Variants in ZMYND11 observed in about 807,000 individuals in gnomAD.
The protein encoded by ZMYND11 is zinc finger MYND domain-containing protein 11.
Under a neutral mutation model 84.9 loss-of-function variants are expected in ZMYND11, and 9 were observed. The observed-to-expected ratio is 0.11, with a 90% CI of 0.06 to 0.18. ZMYND11 has a LOEUF of 0.18. Ranked by LOEUF, ZMYND11 falls within the 10% of genes least tolerant of loss-of-function variation. The probability of loss-of-function intolerance (pLI) is 1.00; values close to 1 mark genes in which losing one functional copy is unlikely to be tolerated. For missense variants in ZMYND11, 409 were observed against 761.0 expected (o/e 0.54, Z 5.44); for synonymous variants, 250 against 244.1 (o/e 1.02, Z -0.23).
At chr10:241,514 T>C (rs951596620) in intron 9 of ZMYND11, among the ~76,000 whole-genome samples, 2 of 151,978 alleles carry the variant, frequency 1.3e-5, no homozygotes, top group Admixed American at 1.3e-4. Context: ...TTGTTTCTCC[T>C]TTCATCCTTT....
Position 248,474 on chromosome 10 carries a change from C to G in ZMYND11, c.1366C>G (p.Gln456Glu). The G allele has an allele frequency of 4.3e-6, 7 of 1,614,194 alleles. No individual in the cohort carries two copies. Among genetic ancestry groups the G allele is most frequent in the Non-Finnish European group, 5.9e-6 (7 of 1,180,046 alleles). Residue 456 changes from glutamine (Q) to glutamate (E), a missense_variant, in exon 13 of 15, where the codon CAG (glutamine) becomes GAG (glutamate). Gln to Glu is a conservative substitution (Grantham distance 29). Transcript: ENST00000381604. ...ACCAAGAATGCTGCATCGGAGCACC[C>G]AGACCACAAACGACGGCGTGTGTCA... Reference protein sequence around the residue: ...SSPRMLHRSTQTTNDGVCQSM... With the variant: ...SSPRMLHRSTETTNDGVCQSM...
chr10:192,722 C>T (rs1940773416), intron 2 of ZMYND11, among the ~76,000 whole-genome samples: 1 of 152,212 alleles, frequency 6.6e-6, no homozygotes, highest in African/African-American at 2.4e-5. Context: ...TCTGCATTTG[C>T]TTAGTGCTGT....
chr10:199,408 T>G (rs986350339), intron 2 of ZMYND11, among the ~76,000 whole-genome samples: 5 of 151,952 alleles, frequency 3.3e-5, no homozygotes, highest in Admixed American at 3.3e-4. Context: ...AATCTTATCC[T>G]TATTATATAC....
At position 252,510 on chromosome 10, in the gene ZMYND11, T is replaced by G. The variant is rs766486236; in HGVS notation, c.*40T>G. 1 of 1,568,580 alleles carries G rather than the reference T, an allele frequency of 6.4e-7. No individual in the cohort carries two copies. The highest frequency in any genetic ancestry group is 1.8e-4 in the Middle Eastern group (1 of 5,476). ...GGAGTCACCCCGATGATTACTCTTTTCAGACACAGCGGTTTTTGTTTCCAA... is the reference window on the plus strand; with the variant it reads ...GGAGTCACCCCGATGATTACTCTTTGCAGACACAGCGGTTTTTGTTTCCAA... On this transcript the variant is annotated 3_prime_UTR_variant, in exon 15 of 15. Transcript: ENST00000381604. The surrounding 1 kb of genome is among the most constrained non-coding windows in gnomAD (Gnocchi z 4.6).
chr10:234,131 C>T (rs1278747085), intron 4 of ZMYND11, among the ~76,000 whole-genome samples: 11 of 152,332 alleles, frequency 7.2e-5, no homozygotes, highest in Admixed American at 3.9e-4. Context: ...CTGATTCTAG[C>T]AGTGCATAAT....
chr10:148,505 G>A (rs943582240), intron 1 of ZMYND11: 10 of 152,358 alleles, frequency 6.6e-5, no homozygotes, highest in African/African-American at 2.2e-4. Flanking sequence ...AACCCCTACC[G>A]TCCAATATTT....
upstream of ZMYND11, chr10:135,039 G>T (rs1181813909): frequency 2.0e-5 from 3 of 149,278 alleles, no homozygotes; most frequent in Non-Finnish European, 4.5e-5. This position sits in a 1 kb window ranked among gnomAD's most constrained non-coding sequence, Gnocchi z 5.6. Context: ...AACTCCGAGG[G>T]CGGGCGGGCC....
At chr10:193,082 T>C (rs1387812272) in intron 2 of ZMYND11, among the ~76,000 whole-genome samples, 1 of 152,206 alleles carries the variant, frequency 6.6e-6, no homozygotes, top group Non-Finnish European at 1.5e-5. Flanking sequence ...TCTTATGCTT[T>C]TGAAATTTTA....
intron 2 of ZMYND11, among the ~76,000 whole-genome samples, chr10:186,258 G>A (rs1588752450): frequency 6.6e-6 from 1 of 151,636 alleles, no homozygotes. Context: ...TGATCTGCCC[G>A]CCTCGGCCTC....
intron 6 of ZMYND11, among the ~76,000 whole-genome samples, chr10:238,542 G>C (rs528403924): frequency 1.2e-3 from 180 of 152,038 alleles, no homozygotes; most frequent in Non-Finnish European, 2.3e-3. Flanking sequence ...ATTTTTAGTA[G>C]AGACGGGGTT....
chr10:168,595 A>G (rs1237086123), intron 1 of ZMYND11, among the ~76,000 whole-genome samples: 1 of 152,142 alleles, frequency 6.6e-6, no homozygotes, highest in African/African-American at 2.4e-5. Flanking sequence ...AAGTGATTCC[A>G]TGGTTTACAG....
Position 220,694 on chromosome 10 carries a change from A to G in ZMYND11, c.277-501A>G, listed in dbSNP as rs148734940. On this transcript the variant is annotated intron_variant, in intron 3 of 14. Coordinates refer to ENST00000381604, the MANE Select transcript of ZMYND11 (RefSeq NM_001370100.5). ...ACATTCTGATTAATGGTTATTTTCA[A>G]TAAAACATCCAGTGCCACAGATGAG... Among the ~76,000 whole-genome samples, 752 of 152,356 alleles carry G rather than the reference A, an allele frequency of 4.9e-3. 2 individuals are homozygous for G. Among genetic ancestry groups the G allele is most frequent in the African/African-American group, 0.017 (713 of 41,586 alleles).
chr10:223,585 AC>A (rs1354257343), intron 4 of ZMYND11, among the ~76,000 whole-genome samples: 1 of 152,096 alleles, frequency 6.6e-6, no homozygotes, highest in Non-Finnish European at 1.5e-5. Flanking sequence ...AGGCTCAAAA[AC>A]CCTGTTTTCT....
intron 1 of ZMYND11, among the ~76,000 whole-genome samples, chr10:158,412 C>CTTTTTTT (rs372896551): frequency 4.9e-5 from 7 of 142,482 alleles, no homozygotes; most frequent in South Asian, 2.3e-4. Context: ...TTGTCTTTTC[C>CTTTTTTT]TTTTTTTTTT....
intron 4 of ZMYND11, among the ~76,000 whole-genome samples, chr10:234,046 G>A (rs541465599): frequency 1.3e-5 from 2 of 152,266 alleles, no homozygotes; most frequent in South Asian, 2.1e-4. Context: ...CTAAACTTCC[G>A]TAGTACCGTT....
chr10:145,781 A>G (rs1169257886), intron 1 of ZMYND11, among the ~76,000 whole-genome samples: 2 of 152,014 alleles, frequency 1.3e-5, no homozygotes, highest in South Asian at 2.1e-4. Flanking sequence ...TAGATTCTGG[A>G]TACCAGTCCT....
chr10:209,725 T>C (rs1435185330), intron 2 of ZMYND11, among the ~76,000 whole-genome samples, 164 bp from the exon 3 acceptor site: 3 of 134,958 alleles, frequency 2.2e-5, no homozygotes, highest in East Asian at 4.7e-4. Context: ...ACTTTTCCTT[T>C]CTTTTCTGTT....
In ZMYND11 at chr10:252,642, G is replaced by A. The variant is rs911807495; in HGVS notation, c.*172G>A. Reference sequence around the variant, plus strand: ...TTAAATCTTTTGTTAATGCTCCTCCGAAGTTTTTCAGGGGGTAAAAGTAAC... The same window carrying A: ...TTAAATCTTTTGTTAATGCTCCTCCAAAGTTTTTCAGGGGGTAAAAGTAAC... On this transcript the variant is annotated 3_prime_UTR_variant, in exon 15 of 15. Coordinates refer to ENST00000381604, the MANE Select transcript of ZMYND11 (RefSeq NM_001370100.5). The surrounding 1 kb of genome is among the most constrained non-coding windows in gnomAD (Gnocchi z 4.6). The A allele has an allele frequency of 3.7e-5, 30 of 812,432 alleles. No homozygotes were observed. The highest frequency in any genetic ancestry group is 1.3e-4 in the East Asian group (4 of 31,498). 50.3% of individuals were successfully genotyped at this position (812,432 alleles called of 1,614,324 possible). A position where few individuals can be genotyped will look rare whatever the true frequency, so the allele number is the denominator to read the frequency against.
At chr10:202,016 G>GA (rs1416150552) in intron 2 of ZMYND11, among the ~76,000 whole-genome samples, 1 of 152,104 alleles carries the variant, frequency 6.6e-6, no homozygotes, top group African/African-American at 2.4e-5. Context: ...GAGAGACCTG[G>GA]AGTATCCTTT....
Sources: gnomAD v4.1 joint callset for allele counts (sites outside exome capture counted in the v4.1 genomes callset) on GRCh38, gnomAD v4.1.1 for gene constraint, Gnocchi (gnomAD v3.1) non-coding constraint, MANE v1.5 for transcripts, NCBI Gene and HGNC (gene_info 2026-07-23, HGNC 2026-07-21) for gene names.